The following PCMTD2 variants were observed in gnomAD, a reference collection of about 807,000 sequenced individuals.
The protein encoded by PCMTD2 is protein-L-isoaspartate O-methyltransferase domain-containing protein 2.
In PCMTD2, 16 loss-of-function variants were observed where a neutral mutation model predicts 33.4. The ratio of observed to expected loss-of-function variants is 0.48; its 90% CI spans 0.32 to 0.73. The LOEUF (loss-of-function observed/expected upper bound fraction) is 0.73, where lower values mean the gene tolerates loss of function less well. PCMTD2 is among the 30% of genes least tolerant of loss of function. PCMTD2 has a pLI of 0.03. For missense variants in PCMTD2, 374 were observed against 449.9 expected, an observed-to-expected ratio of 0.83 and a Z score of 1.53; for synonymous variants, 161 against 160.8, an observed-to-expected ratio of 1.00 and a Z score of -0.01.
intron 1 of PCMTD2, chr20:64,259,711 C>T (rs1382905300): frequency 1.2e-5 from 6 of 514,470 alleles, no homozygotes; most frequent in Admixed American, 3.7e-5. Flanking sequence ...TTCAAATAAA[C>T]GTCAAATAAC....
chr20:64,270,225 C>T (rs1209143170), intron 5 of PCMTD2, among the ~76,000 whole-genome samples: 1 of 102,942 alleles, frequency 9.7e-6, no homozygotes. Context: ...GGTGCGGGGT[C>T]ATGTGAGTGC....
intron 5 of PCMTD2, among the ~76,000 whole-genome samples, chr20:64,269,447 T>A (rs1207012306): frequency 2.0e-5 from 3 of 152,182 alleles, no homozygotes; most frequent in African/African-American, 7.2e-5. Context: ...TTTGAGGAGA[T>A]GGCTTTGAAG....
At chr20:64,264,319 G>A in intron 2 of PCMTD2, 110 bp from the exon 3 acceptor site, 1 of 642,882 alleles carries the variant, frequency 1.6e-6, no homozygotes, top group East Asian at 2.7e-5. Flanking sequence ...CTTTGTGAAT[G>A]TCTGTAGTTA....
intron 1 of PCMTD2, 82 bp from the exon 2 acceptor site, chr20:64,259,860 A>G: frequency 3.0e-6 from 2 of 672,366 alleles, no homozygotes; most frequent in East Asian, 2.6e-5. Flanking sequence ...TCAGAATTTC[A>G]AATTGGTATC....
chr20:64,260,122 G>T lies in PCMTD2; in HGVS notation c.157G>T (p.Asp53Tyr), dbSNP rs1230322411. 1 of 1,613,970 alleles carries T rather than the reference G, an allele frequency of 6.2e-7. No homozygotes were observed. The highest frequency in any genetic ancestry group is 1.7e-5 in the Admixed American group (1 of 60,030). The change falls in exon 2 of 6, where the codon GAC becomes TAC. Residue 53 changes from aspartate (D) to tyrosine (Y), a missense_variant. Physicochemically the swap from Asp to Tyr is radical, Grantham distance 160. Coordinates refer to ENST00000308824, the MANE Select transcript of PCMTD2 (RefSeq NM_018257.3). ...AGAATTTAAAGAAAATGCTTATAAA[G>T]ACTTGGCATGGAAGCATGGAAACAT... Reference protein sequence around the residue: ...LEEFKENAYKDLAWKHGNIHL... With the variant: ...LEEFKENAYKYLAWKHGNIHL...
chr20:64,260,638 T>C lies in PCMTD2; in HGVS notation c.307+366T>C, dbSNP rs535193217. Among the ~76,000 whole-genome samples the C allele has an allele frequency of 6.6e-5, 10 of 152,182 alleles. No homozygotes were observed. The South Asian group carries it at 2.1e-3, about 32-fold the overall frequency. ...TCACTCATTCTTCCTTGTCACTCCT[T>C]CTCTAAATCGATGGTAATTAACTTG... On this transcript the variant is annotated intron_variant, in intron 2 of 5. Transcript: ENST00000308824.
intron 5 of PCMTD2, 26 bp downstream of exon 5, chr20:64,268,036 T>G (rs770905609): frequency 7.0e-6 from 11 of 1,573,486 alleles, no homozygotes; most frequent in Non-Finnish European, 9.5e-6. Context: ...TTTACTTATT[T>G]TATCTTTTAG....
chr20:64,257,816 G>C (rs1044271768), intron 1 of PCMTD2, among the ~76,000 whole-genome samples: 20 of 152,316 alleles, frequency 1.3e-4, no homozygotes, highest in African/African-American at 4.8e-4. Flanking sequence ...TTGCCATACA[G>C]TCCTGGGTTT....
intron 4 of PCMTD2, among the ~76,000 whole-genome samples, chr20:64,266,703 C>T (rs571192059): frequency 2.0e-5 from 3 of 152,250 alleles, no homozygotes; most frequent in African/African-American, 7.2e-5. Context: ...AATGTCTTTG[C>T]TTATACAAGT....
At chr20:64,270,162 TTGTGGGGTCGTGTGGGTGTGCACGG>T (rs1173964477) in intron 5 of PCMTD2, among the ~76,000 whole-genome samples, 4 of 102,344 alleles carry the variant, frequency 3.9e-5, no homozygotes, top group African/African-American at 7.8e-5. Context: ...GGCATGCACG[TTGTGGGGTCGTGTGGGTGTGCACGG>T]TGTGGGGTCG....
At position 64,273,511 on chromosome 20, in the gene PCMTD2, C is replaced by T. The variant is rs1448246241; in HGVS notation, c.997C>T (p.Pro333Ser). The stretch of plus-strand genomic sequence containing the variant: ...GACCCCGCCGGAAACAAAGCCAGAC[C>T]CCCCAGTGAACTTCCTACGCCAGAA... The part of the protein sequence containing the change: ...EKTPPETKPD[P>S]PVNFLRQKVL... Residue 333 changes from proline to serine, a missense_variant, in exon 6 of 6, where the codon CCC (proline) becomes TCC (serine). Coordinates refer to ENST00000308824, the MANE Select transcript of PCMTD2 (RefSeq NM_018257.3). The T allele has an allele frequency of 7.5e-6, 12 of 1,598,356 alleles. No homozygotes were observed. Among genetic ancestry groups the T allele is most frequent in the Middle Eastern group, 3.4e-4 (2 of 5,940 alleles).
At chr20:64,257,509 A>G (rs905188372) in intron 1 of PCMTD2, among the ~76,000 whole-genome samples, 8 of 152,224 alleles carry the variant, frequency 5.3e-5, no homozygotes, top group Admixed American at 3.9e-4. Flanking sequence ...AGATTGTAGA[A>G]TCTGGGTGAA....
chr20:64,256,239 C>T lies in PCMTD2; in HGVS notation c.-25+369C>T, dbSNP rs556589350. Among the ~76,000 whole-genome samples the T allele has an allele frequency of 2.6e-5, 4 of 152,306 alleles. No individual in the cohort carries two copies. The South Asian group carries it at 8.3e-4, about 32-fold the overall frequency. ...GTTTAGAACAAAGTCTGCCTTGGAC[C>T]CTTTCAGAAGATGACAGGATTTTTT... is the stretch of plus-strand genomic sequence containing the variant. On this transcript the variant is annotated intron_variant, in intron 1 of 5. Transcript: ENST00000308824.
chr20:64,270,487 C>T (rs1033799615), intron 5 of PCMTD2, among the ~76,000 whole-genome samples: 6 of 148,300 alleles, frequency 4.0e-5, no homozygotes, highest in Non-Finnish European at 6.0e-5. Context: ...TGCGGGCGTG[C>T]ATGGTGTGCA....
intron 5 of PCMTD2, 143 bp downstream of exon 5, chr20:64,268,153 T>TAAACG: frequency 1.8e-6 from 1 of 563,364 alleles, no homozygotes; most frequent in Admixed American, 3.2e-5. Context: ...CTACAAGCAA[T>TAAACG]TTCAGGCATT....
chr20:64,274,418 G>C lies in PCMTD2; in HGVS notation c.*818G>C, dbSNP rs1482747143. The stretch of plus-strand genomic sequence containing the variant: ...TTTTTCCTGTGTGTAAGCAATAAGT[G>C]AAGTTACATTTGCCCTAACCCTAGG... On this transcript the variant is annotated 3_prime_UTR_variant, in exon 6 of 6. Coordinates refer to ENST00000308824, the MANE Select transcript of PCMTD2 (RefSeq NM_018257.3). The C allele has an allele frequency of 6.6e-6, 1 of 151,658 alleles. No individual in the cohort carries two copies. The highest frequency in any genetic ancestry group is 2.4e-5 in the African/African-American group (1 of 41,226). The allele number at this position is 151,658 out of a possible 1,614,324, so 9.4% of individuals were successfully genotyped here.
Position 64,273,828 on chromosome 20 carries a change from GT to G in PCMTD2, c.*232del. ...CAAGACCTTCATTGCATAGAAGATT[GT>G]TTTCCCAAAGTGGAGAGAATCTTCA... On this transcript the variant is annotated 3_prime_UTR_variant, in exon 6 of 6. Coordinates refer to ENST00000308824, the MANE Select transcript of PCMTD2 (RefSeq NM_018257.3). 2.5e-6 allele frequency: 1 copy of G among 401,330 alleles called. No homozygotes were observed. The highest frequency in any genetic ancestry group is 3.7e-5 in the East Asian group (1 of 27,182). The allele number at this position is 401,330 out of a possible 1,614,324, so 24.9% of individuals were successfully genotyped here.
chr20:64,258,492 TAGA>T (rs1985262882), intron 1 of PCMTD2, among the ~76,000 whole-genome samples: 1 of 152,230 alleles, frequency 6.6e-6, no homozygotes, highest in Admixed American at 6.5e-5. Flanking sequence ...ACCATAAAAA[TAGA>T]AGAGAATTTG....
rs1171443708 is a variant in PCMTD2 at position 64,273,399 on chromosome 20, A to G, written c.885A>G (p.Lys295=). ...RRMETIVFLD[K]EVFASRISNP... Reference sequence around the variant, plus strand: ...TGGAAACGATTGTCTTTTTGGACAAAGAAGTCTTTGCCAGTCGGATTTCCA... The same window carrying G: ...TGGAAACGATTGTCTTTTTGGACAAGGAAGTCTTTGCCAGTCGGATTTCCA... Residue 295 remains lysine, a synonymous_variant, in exon 6 of 6, where the codon AAA becomes AAG. Transcript: ENST00000308824. 1.9e-6 allele frequency: 3 copies of G among 1,614,046 alleles called. No homozygotes were observed. The African/African-American group carries it at 4.0e-5, about 22-fold the overall frequency.
Sources: allele counts gnomAD v4.1 joint callset (sites outside exome capture counted in the v4.1 genomes callset), GRCh38; gene constraint gnomAD v4.1.1; transcripts MANE v1.5; gene names NCBI Gene and HGNC (gene_info 2026-07-23, HGNC 2026-07-21).